The following COL3A1 variants were observed in gnomAD, a reference collection of about 807,000 sequenced individuals.
COL3A1 encodes the protein collagen type III alpha 1 chain.
A neutral mutation model predicts 200.9 loss-of-function variants in COL3A1; 46 were observed. The ratio of observed to expected loss-of-function variants is 0.23; its 90% CI spans 0.18 to 0.29. COL3A1 has a LOEUF of 0.29. Ranked by LOEUF, COL3A1 falls within the 10% of genes least tolerant of loss-of-function variation. The probability of loss-of-function intolerance (pLI) is 1.00; values close to 1 mark genes in which losing one functional copy is unlikely to be tolerated. For synonymous variants in COL3A1, 650 were observed against 628.0 expected, an observed-to-expected ratio of 1.03 and a Z score of -0.52; for missense variants, 1,367 against 1,917.6, an observed-to-expected ratio of 0.71 and a Z score of 5.36.
intron 1 of COL3A1, among the ~76,000 whole-genome samples, chr2:188,974,993 A>G (rs1687777601): frequency 6.6e-6 from 1 of 152,230 alleles, no homozygotes; most frequent in Non-Finnish European, 1.5e-5. Context: ...TTTCTGAATA[A>G]GAATGCCTTT....
chr2:188,980,757 A>C (rs1328722615), intron 1 of COL3A1, among the ~76,000 whole-genome samples: 1 of 151,028 alleles, frequency 6.6e-6, no homozygotes, highest in Admixed American at 6.6e-5. Context: ...CAGCAGAAAA[A>C]ATATTTTATT....
intron 46 of COL3A1, 24 bp downstream of exon 46, chr2:189,007,962 C>T (rs750105443): frequency 8.7e-6 from 14 of 1,614,082 alleles, no homozygotes; most frequent in Non-Finnish European, 1.1e-5. Flanking sequence ...AAAGATATTA[C>T]AGGTCCACAT....
rs41272797 is a variant in COL3A1 at position 188,988,083 on chromosome 2, C to T, written c.531C>T (p.Gly177=). 1.2e-6 allele frequency: 2 copies of T among 1,608,426 alleles called. No homozygotes were observed. Among genetic ancestry groups the T allele is most frequent in the Non-Finnish European group, 8.5e-7 (1 of 1,175,166 alleles). Residue 177 remains glycine (G), a splice_region_variant and synonymous_variant, in exon 6 of 51, where the codon GGC becomes GGT. Transcript: ENST00000304636. ...TTTCATTCAAATTCACATTCCAGGG[C>T]CCCCCAGGCCCTCCCGGTCCCCCTG... is the stretch of plus-strand genomic sequence containing the variant. The part of the protein sequence containing the change: ...GGLAGYPGPA[G]PPGPPGPPGT...
At chr2:188,991,776 C>A in intron 13 of COL3A1, 54 bp downstream of exon 13, 1 of 1,576,454 alleles carries the variant, frequency 6.3e-7, no homozygotes, top group South Asian at 1.1e-5. Context: ...CAGATTTTTA[C>A]AGCCTCAGTA....
chr2:188,995,871 C>A, intron 22 of COL3A1, 81 bp downstream of exon 22: 1 of 1,233,444 alleles, frequency 8.1e-7, no homozygotes, highest in Non-Finnish European at 1.2e-6. Flanking sequence ...TCAAAAGCAA[C>A]TTAAATCAAT....
chr2:188,992,852 A>G (rs1688216382), intron 14 of COL3A1, 35 bp from the exon 15 acceptor site: 2 of 1,598,026 alleles, frequency 1.3e-6, no homozygotes, highest in East Asian at 2.2e-5. Flanking sequence ...ATTTAGTTGA[A>G]AAAGAGCTCT....
In COL3A1 at chr2:188,993,800, A is replaced by G. The variant is rs1261758776; in HGVS notation, c.1150-238A>G. Among the ~76,000 whole-genome samples the G allele has an allele frequency of 9.9e-5, 15 of 152,254 alleles. No individual in the cohort carries two copies. In the South Asian group the frequency reaches 3.1e-3, roughly 32 times the overall value. On this transcript the variant is annotated intron_variant, in intron 16 of 50. Transcript: ENST00000304636. ...AATTCAGAGAAGAACCAAATTCAAA[A>G]TCTCTTCTATTTATGTATCATTTAA...
intron 10 of COL3A1, among the ~76,000 whole-genome samples, chr2:188,990,739 T>C (rs1688171098): frequency 6.6e-6 from 1 of 152,192 alleles, no homozygotes. Flanking sequence ...TGAATTATAA[T>C]AAAATCTATG....
rs1362878468 is a variant in COL3A1, at chr2:188,993,002, A to C, written c.1050+62A>C. The C allele has an allele frequency of 3.3e-6, 5 of 1,500,346 alleles. No homozygotes were observed. In the African/African-American group the frequency reaches 6.9e-5, roughly 21 times the overall value. The allele number at this position is 1,500,346 out of a possible 1,614,324, so 92.9% of individuals were successfully genotyped here. On this transcript the variant is annotated intron_variant, in intron 15 of 50. Coordinates refer to ENST00000304636, the MANE Select transcript of COL3A1 (RefSeq NM_000090.4). ...CTTGGAGGCAAGAGAAAAGCATTAG[A>C]TTGCTTCTTGCAACTGATTTTTTTA... is the stretch of plus-strand genomic sequence containing the variant.
In COL3A1 at chr2:188,985,265, A is replaced by G. The variant is rs1446819610; in HGVS notation, c.333+18A>G. ...GAGATCCAGTAAGTAAACATTCTTC[A>G]GTAGAATAAAATTAATACTAATGAT... On this transcript the variant is annotated intron_variant, in intron 3 of 50. Transcript: ENST00000304636. The G allele has an allele frequency of 1.3e-6, 2 of 1,592,852 alleles. No homozygotes were observed. The highest frequency in any genetic ancestry group is 3.3e-5 in the Admixed American group (2 of 59,762).
At chr2:189,007,762 G>T in intron 45 of COL3A1, 123 bp from the exon 46 acceptor site, 1 of 1,293,056 alleles carries the variant, frequency 7.7e-7, no homozygotes, top group Non-Finnish European at 1.1e-6. Context: ...GACACAATGG[G>T]AAGATTAAAG....
intron 1 of COL3A1, among the ~76,000 whole-genome samples, chr2:188,980,402 AG>A (rs1687927212): frequency 1.8e-5 from 1 of 54,114 alleles, no homozygotes; most frequent in Admixed American, 1.7e-4. Context: ...TTAATCTTTT[AG>A]ACAATTCTAA....
At chr2:188,990,406 T>C (rs1231155700) in intron 10 of COL3A1, 46 bp downstream of exon 10, 3 of 1,503,716 alleles carry the variant, frequency 2.0e-6, no homozygotes, top group East Asian at 2.3e-5. Flanking sequence ...CACTGGGCTA[T>C]GTTTACTTGC....
chr2:189,000,557 TAGTC>T (rs547897317), intron 32 of COL3A1, among the ~76,000 whole-genome samples: 211 of 151,678 alleles, frequency 1.4e-3, no homozygotes, highest in Middle Eastern at 0.014. Context: ...ATTGAGGTGG[TAGTC>T]AGGCACATCT....
At position 188,994,301 on chromosome 2, in the gene COL3A1, C is replaced by G. The variant is rs757463518; in HGVS notation, c.1262C>G (p.Ala421Gly). Residue 421 changes from alanine (A) to glycine (G), a missense_variant, in exon 18 of 51, where the codon GCT becomes GGT. Physicochemically the swap from Ala to Gly is moderately conservative, Grantham distance 60. Transcript: ENST00000304636. This position sits in a 1 kb window ranked among gnomAD's most constrained non-coding sequence, Gnocchi z 4.5. ...GARGPPGPAG[A>G]NGAPGLRGGA... ...CGGGGTCCTCCAGGACCAGCCGGTG[C>G]TAATGGTGCTCCTGGACTGCGAGGT... 6.2e-7 allele frequency: 1 copy of G among 1,613,808 alleles called. No homozygotes were observed. The highest frequency in any genetic ancestry group is 2.2e-5 in the East Asian group (1 of 44,890).
At chr2:188,991,832 A>G (rs1688197298) in intron 13 of COL3A1, 110 bp downstream of exon 13, 2 of 1,059,356 alleles carry the variant, frequency 1.9e-6, no homozygotes, top group South Asian at 1.3e-5. Flanking sequence ...CCTTCCTACA[A>G]AATTATACTC....
At position 188,997,690 on chromosome 2, in the gene COL3A1, A is replaced by G; in HGVS notation, c.1870-10A>G. On this transcript the variant is annotated splice_polypyrimidine_tract_variant and intron_variant, in intron 26 of 50. Transcript: ENST00000304636. ...TGTTTACAACAGAGTGTATCATTAT[A>G]CTTTTCTAGGGGCCTGGTGGTGACA... 6.2e-7 allele frequency: 1 copy of G among 1,612,762 alleles called. No homozygotes were observed. The highest frequency in any genetic ancestry group is 8.5e-7 in the Non-Finnish European group (1 of 1,178,772).
intron 1 of COL3A1, among the ~76,000 whole-genome samples, chr2:188,981,950 A>G (rs780578560): frequency 6.6e-6 from 1 of 151,686 alleles, no homozygotes; most frequent in Non-Finnish European, 1.5e-5. Flanking sequence ...TTTTACAGGA[A>G]CTGACTTCTC....
chr2:188,984,646 T>G, intron 1 of COL3A1, 114 bp from the exon 2 acceptor site: 1 of 894,972 alleles, frequency 1.1e-6, no homozygotes, highest in Non-Finnish European at 1.8e-6. Flanking sequence ...AGGAAGAAAT[T>G]ATTTGTTTCA....
Sources: gnomAD v4.1 joint callset for allele counts (sites outside exome capture counted in the v4.1 genomes callset) on GRCh38, gnomAD v4.1.1 for gene constraint, Gnocchi (gnomAD v3.1) non-coding constraint, MANE v1.5 for transcripts, NCBI Gene and HGNC (gene_info 2026-07-23, HGNC 2026-07-21) for gene names.